EFR3B: variants seen among roughly 807,000 people sequenced by gnomAD.
The protein encoded by EFR3B is EFR3 homolog B.
EFR3B carries 64 observed loss-of-function variants against 104.7 expected under a neutral mutation model. The observed-to-expected ratio is 0.61, with a 90% CI of 0.50 to 0.75. The LOEUF is 0.75. Ranked by LOEUF, EFR3B falls within the 30% of genes least tolerant of loss-of-function variation. The pLI is 0.00. For synonymous variants in EFR3B, 385 were observed against 417.9 expected, an observed-to-expected ratio of 0.92 and a Z score of 0.96; for missense variants, 750 against 1,078.5, an observed-to-expected ratio of 0.70 and a Z score of 4.27.
intron 4 of EFR3B, among the ~76,000 whole-genome samples, chr2:25,111,003 C>T (rs1015726701): frequency 4.6e-5 from 7 of 152,200 alleles, no homozygotes; most frequent in Non-Finnish European, 8.8e-5. Flanking sequence ...CTGGATTTGT[C>T]TGGTTCTTTG....
In EFR3B at chr2:25,079,501, G is replaced by A. The variant is rs112535294; in HGVS notation, c.8-11824G>A. ...AGTATCTACTTTATGGGGTTGTTAC[G>A]AGACTTATATGAAATATTTGTAAAG... On this transcript the variant is annotated intron_variant, in intron 1 of 22. Coordinates refer to ENST00000403714, the MANE Select transcript of EFR3B (RefSeq NM_014971.2). Among the ~76,000 whole-genome samples the A allele has an allele frequency of 3.0e-3, 457 of 152,268 alleles. 4 individuals are homozygous for A. Among genetic ancestry groups the A allele is most frequent in the African/African-American group, 8.9e-3 (368 of 41,542 alleles).
chr2:25,152,170 A>C, intron 21 of EFR3B, 150 bp downstream of exon 21: 1 of 752,370 alleles, frequency 1.3e-6, no homozygotes, highest in Non-Finnish European at 2.1e-6. Flanking sequence ...CTTGTATTCC[A>C]ATGCAGGGAG....
intron 1 of EFR3B, among the ~76,000 whole-genome samples, chr2:25,072,881 A>G (rs1417098913): frequency 1.1e-4 from 16 of 152,146 alleles, no homozygotes; most frequent in Non-Finnish European, 2.4e-4. Context: ...GAAATTCTTG[A>G]GTCTTAAAAA....
rs566418877 is a variant in EFR3B, at chr2:25,103,861, G to T, written c.363+74G>T. On this transcript the variant is annotated intron_variant, in intron 4 of 22. Transcript: ENST00000403714. ...GGTGGCAGGGGAGAGGGAGACCTCGGGGTCGGCACTGTCATGTTCTGTTCC... is the reference window on the plus strand; with the variant it reads ...GGTGGCAGGGGAGAGGGAGACCTCGTGGTCGGCACTGTCATGTTCTGTTCC... 10 of 1,526,230 alleles carry T rather than the reference G, an allele frequency of 6.6e-6. No homozygotes were observed. In the East Asian group the frequency reaches 2.5e-4, roughly 37 times the overall value. The allele number at this position is 1,526,230 out of a possible 1,614,324, so 94.5% of individuals were successfully genotyped here.
chr2:25,154,354 G>C lies in EFR3B; in HGVS notation c.*14G>C, dbSNP rs539176030. The C allele has an allele frequency of 6.4e-7, 1 of 1,550,966 alleles. No individual in the cohort carries two copies. The highest frequency in any genetic ancestry group is 1.4e-5 in the African/African-American group (1 of 73,152). ...TGTGTATACTGAATTCCAAGAGCCT[G>C]AGCTCCTCAAGGAGATGGGGTCTGA... On this transcript the variant is annotated 3_prime_UTR_variant, in exon 23 of 23. Transcript: ENST00000403714. The surrounding 1 kb of genome is among the most constrained non-coding windows in gnomAD (Gnocchi z 4.1).
At chr2:25,069,954 C>T (rs906593849) in intron 1 of EFR3B, among the ~76,000 whole-genome samples, 4 of 152,254 alleles carry the variant, frequency 2.6e-5, no homozygotes, top group Non-Finnish European at 5.9e-5. Flanking sequence ...GCCTCGGCCT[C>T]CCAAAGTGCT....
At chr2:25,122,418 A>G (rs909463481) in intron 5 of EFR3B, among the ~76,000 whole-genome samples, 8 of 152,246 alleles carry the variant, frequency 5.3e-5, no homozygotes, top group Non-Finnish European at 1.0e-4. Context: ...GTTCAGAATT[A>G]TATGCATTTA....
chr2:25,048,462 G>T (rs1381745761), intron 1 of EFR3B, among the ~76,000 whole-genome samples: 3 of 152,092 alleles, frequency 2.0e-5, no homozygotes, highest in African/African-American at 7.2e-5. Context: ...GTACATTTAG[G>T]GGTATTTCTG....
rs1668121604 is a variant in EFR3B, at chr2:25,059,568, A to T, written c.7+17249A>T. Among the ~76,000 whole-genome samples the T allele has an allele frequency of 8.7e-5, 3 of 34,304 alleles. No homozygotes were observed. The Admixed American group carries it at 1.2e-3, about 14-fold the overall frequency. The allele number at this position is 34,304 out of a possible 152,430, so 22.5% of individuals were successfully genotyped here. A position where few individuals can be genotyped will look rare whatever the true frequency, so the allele number is the denominator to read the frequency against. On this transcript the variant is annotated intron_variant, in intron 1 of 22. Transcript: ENST00000403714. ...GAAAGTAGAATAGAGGTTACCAGGG[A>T]CTGCGGGGGGGGGGGGGGTGGAGAT...
At chr2:25,153,847 C>G in intron 22 of EFR3B, 86 bp downstream of exon 22, 1 of 1,324,428 alleles carries the variant, frequency 7.6e-7, no homozygotes, top group East Asian at 2.5e-5. Context: ...CCCCTGTCTT[C>G]TCTTCTCTCC....
chr2:25,060,240 A>G (rs1017380626), intron 1 of EFR3B, among the ~76,000 whole-genome samples: 3 of 152,198 alleles, frequency 2.0e-5, no homozygotes, highest in Admixed American at 1.3e-4. Flanking sequence ...TATTATATAT[A>G]TTTTACCATA....
chr2:25,061,493 ATTTAC>A (rs1223462612), intron 1 of EFR3B, among the ~76,000 whole-genome samples: 3 of 147,214 alleles, frequency 2.0e-5, no homozygotes, highest in Admixed American at 6.8e-5. Flanking sequence ...AATAAGCTTT[ATTTAC>A]TTTTTTTTTT....
At position 25,137,294 on chromosome 2, in the gene EFR3B, T is replaced by C. The variant is rs1023806292; in HGVS notation, c.1561-47T>C. 1.4e-5 allele frequency: 22 copies of C among 1,547,182 alleles called. No individual in the cohort carries two copies. The highest frequency in any genetic ancestry group is 1.8e-5 in the Non-Finnish European group (21 of 1,144,118). On this transcript the variant is annotated intron_variant, in intron 14 of 22. Coordinates refer to ENST00000403714, the MANE Select transcript of EFR3B (RefSeq NM_014971.2). This position sits in a 1 kb window ranked among gnomAD's most constrained non-coding sequence, Gnocchi z 4.7. The stretch of plus-strand genomic sequence containing the variant: ...TCCTCCGTGTTCTCCTTGCCCCTCC[T>C]GTCCCCATCCCTCCGACCCTGGCCT...
intron 1 of EFR3B, among the ~76,000 whole-genome samples, chr2:25,058,485 A>G (rs947458169): frequency 6.6e-6 from 1 of 152,184 alleles, no homozygotes; most frequent in Non-Finnish European, 1.5e-5. Context: ...TTGGCCAGGC[A>G]CAGTGGCTCA....
intron 3 of EFR3B, among the ~76,000 whole-genome samples, chr2:25,101,233 G>GT (rs1558602140): frequency 2.0e-5 from 3 of 152,156 alleles, no homozygotes; most frequent in Admixed American, 6.5e-5. Flanking sequence ...GTCTCCAGTT[G>GT]TTTCCACTTC....
intron 1 of EFR3B, chr2:25,079,795 T>A: frequency 1.5e-6 from 1 of 672,794 alleles, no homozygotes; most frequent in Non-Finnish European, 2.8e-6. Context: ...TATACCTACA[T>A]GGCAATTACA....
At chr2:25,045,516 T>TAAGGCTGGGCGTGGTTGGC (rs1667689738) in intron 1 of EFR3B, among the ~76,000 whole-genome samples, 1 of 152,116 alleles carries the variant, frequency 6.6e-6, no homozygotes, top group Non-Finnish European at 1.5e-5. Flanking sequence ...GCGTGGTGGC[T>TAAGGCTGGGCGTGGTTGGC]CACGCCTGTT....
chr2:25,150,077 G>A (rs1032966613), intron 20 of EFR3B, among the ~76,000 whole-genome samples: 1 of 152,100 alleles, frequency 6.6e-6, no homozygotes, highest in African/African-American at 2.4e-5. Context: ...TGAGGTGGGT[G>A]GATCTCAAGG....
chr2:25,046,348 G>A (rs887675227), intron 1 of EFR3B, among the ~76,000 whole-genome samples: 6 of 151,890 alleles, frequency 4.0e-5, no homozygotes, highest in African/African-American at 1.4e-4. Context: ...TAGCATCACT[G>A]CACTCCAGCC....
Sources: gnomAD v4.1 joint callset for allele counts (sites outside exome capture counted in the v4.1 genomes callset) on GRCh38, gnomAD v4.1.1 for gene constraint, Gnocchi (gnomAD v3.1) non-coding constraint, MANE v1.5 for transcripts, NCBI Gene and HGNC (gene_info 2026-07-23, HGNC 2026-07-21) for gene names.